The following CDH8 variants were observed in gnomAD, a reference collection of about 807,000 sequenced individuals.
The protein encoded by CDH8 is cadherin-8.
In CDH8, 17 loss-of-function variants were observed where a neutral mutation model predicts 68.1. That is an observed-to-expected ratio of 0.25 (90% CI 0.17 to 0.37). The LOEUF is 0.37. CDH8 is among the 10% of genes least tolerant of loss of function. The pLI, the probability that CDH8 is intolerant of heterozygous loss-of-function variation, is 1.00. For missense variants in CDH8, 763 were observed against 999.3 expected (o/e 0.76, Z 3.19); for synonymous variants, 372 against 365.1 (o/e 1.02, Z -0.21).
chr16:61,989,843 T>C (rs1345584489), intron 2 of CDH8, among the ~76,000 whole-genome samples: 1 of 152,214 alleles, frequency 6.6e-6, no homozygotes, highest in Non-Finnish European at 1.5e-5. Flanking sequence ...TTGTTAAACT[T>C]AGGATCTTAA....
chr16:61,810,995 G>A lies in CDH8; in HGVS notation c.1277+6484C>T, dbSNP rs550992050. Reference sequence around the variant, plus strand: ...GCCGAGATTGTGCCACTGTACTCCAGCCTGGGTGACAGAGTGAGACTCTGT... The same window carrying A: ...GCCGAGATTGTGCCACTGTACTCCAACCTGGGTGACAGAGTGAGACTCTGT... On this transcript the variant is annotated intron_variant, in intron 7 of 11. Coordinates refer to ENST00000577390, the MANE Select transcript of CDH8 (RefSeq NM_001796.5). Among the ~76,000 whole-genome samples the A allele has an allele frequency of 7.0e-5, 10 of 142,000 alleles. No homozygotes were observed. The Admixed American group carries it at 7.4e-4, about 10-fold the overall frequency. 93.2% of individuals were successfully genotyped at this position (142,000 alleles called of 152,430 possible). A position where few individuals can be genotyped will look rare whatever the true frequency, so the allele number is the denominator to read the frequency against.
chr16:61,656,390 A>T (rs1423580001), intron 10 of CDH8, among the ~76,000 whole-genome samples: 1 of 152,240 alleles, frequency 6.6e-6, no homozygotes, highest in Non-Finnish European at 1.5e-5. Flanking sequence ...ATAATAGGTT[A>T]AGCAAATTTG....
chr16:61,733,758 T>C (rs1488115358), intron 8 of CDH8, among the ~76,000 whole-genome samples: 1 of 151,958 alleles, frequency 6.6e-6, no homozygotes, highest in Non-Finnish European at 1.5e-5. Flanking sequence ...AAAACAACTT[T>C]TGAGTTTGTA....
intron 7 of CDH8, among the ~76,000 whole-genome samples, chr16:61,792,629 T>C (rs1961405448): frequency 6.6e-6 from 1 of 152,026 alleles, no homozygotes; most frequent in African/African-American, 2.4e-5. Context: ...TAGGACATTT[T>C]AGGTAACACA....
At chr16:61,918,804 G>C (rs1964302364) in intron 2 of CDH8, 1 of 151,766 alleles carries the variant, frequency 6.6e-6, no homozygotes, top group African/African-American at 2.4e-5. Flanking sequence ...CCAACTGGGT[G>C]GAGCCCACCA....
intron 2 of CDH8, among the ~76,000 whole-genome samples, chr16:62,006,883 A>G (rs1965983626): frequency 6.8e-6 from 1 of 147,952 alleles, no homozygotes; most frequent in Non-Finnish European, 1.5e-5. Flanking sequence ...TTTTGCCAAT[A>G]TTTCAAAAGC....
At chr16:61,789,536 T>C in intron 7 of CDH8, 54 bp from the exon 8 acceptor site, 1 of 1,504,884 alleles carries the variant, frequency 6.6e-7, no homozygotes, top group Non-Finnish European at 9.0e-7. Flanking sequence ...ATCCATACAT[T>C]CCACAGCAGA....
chr16:61,902,307 T>G (rs1314023564), intron 2 of CDH8, among the ~76,000 whole-genome samples: 1 of 152,134 alleles, frequency 6.6e-6, no homozygotes, highest in African/African-American at 2.4e-5. Flanking sequence ...TAAAACATTT[T>G]GGTAGGTACC....
chr16:61,875,962 T>G (rs1211392764), intron 3 of CDH8, among the ~76,000 whole-genome samples: 1 of 152,134 alleles, frequency 6.6e-6, no homozygotes, highest in Non-Finnish European at 1.5e-5. Context: ...CTGCAACCTC[T>G]GCCTCCCATG....
intron 2 of CDH8, among the ~76,000 whole-genome samples, chr16:62,014,696 G>A (rs928397412): frequency 6.6e-6 from 1 of 152,138 alleles, no homozygotes; most frequent in Non-Finnish European, 1.5e-5. Flanking sequence ...AGGTTAGAAG[G>A]TCAAATTTAA....
chr16:61,841,904 T>C (rs1020710016), intron 4 of CDH8, among the ~76,000 whole-genome samples: 6 of 152,144 alleles, frequency 3.9e-5, no homozygotes, highest in Non-Finnish European at 8.8e-5. Context: ...TTTGTTTGCT[T>C]GGAGACGGAG....
chr16:61,926,522 C>T (rs141747120), intron 2 of CDH8, among the ~76,000 whole-genome samples: 216 of 152,222 alleles, frequency 1.4e-3, no homozygotes, highest in Non-Finnish European at 2.2e-3. Context: ...CAGATGAAAA[C>T]CATTAGGTGG....
At position 61,653,290 on chromosome 16, in the gene CDH8, C is replaced by T. The variant is rs1457312453; in HGVS notation, c.*318G>A. 3.1e-5 allele frequency: 36 copies of T among 1,171,798 alleles called. No homozygotes were observed. Among genetic ancestry groups the T allele is most frequent in the Non-Finnish European group, 3.5e-5 (33 of 952,674 alleles). 72.6% of individuals were successfully genotyped at this position (1,171,798 alleles called of 1,614,324 possible). A position where few individuals can be genotyped will look rare whatever the true frequency, so the allele number is the denominator to read the frequency against. ...AAGCACCTTTTAATTATGATTTTTTCCTCTATTTAAACCATTTATCTAAGG... is the reference window on the plus strand; with the variant it reads ...AAGCACCTTTTAATTATGATTTTTTTCTCTATTTAAACCATTTATCTAAGG... On this transcript the variant is annotated 3_prime_UTR_variant, in exon 12 of 12. Transcript: ENST00000577390.
At chr16:62,009,974 AC>A (rs1249050339) in intron 2 of CDH8, among the ~76,000 whole-genome samples, 1 of 152,138 alleles carries the variant, frequency 6.6e-6, no homozygotes, top group Non-Finnish European at 1.5e-5. Context: ...TACTAGGCTA[AC>A]CCCCGTATTA....
At chr16:61,946,538 C>T (rs772501537) in intron 2 of CDH8, among the ~76,000 whole-genome samples, 1 of 152,200 alleles carries the variant, frequency 6.6e-6, no homozygotes, top group Non-Finnish European at 1.5e-5. Context: ...CCAGCTTCAA[C>T]AGTTGATGCT....
chr16:62,021,033 TA>T, intron 2 of CDH8, 118 bp downstream of exon 2: 1 of 875,952 alleles, frequency 1.1e-6, no homozygotes, highest in Non-Finnish European at 1.8e-6. Flanking sequence ...GTAAACTCAC[TA>T]AACATCTGGC....
intron 8 of CDH8, among the ~76,000 whole-genome samples, chr16:61,761,351 C>T (rs2142970133): frequency 6.6e-6 from 1 of 152,202 alleles, no homozygotes; most frequent in Admixed American, 6.5e-5. Flanking sequence ...TAAATTGAAG[C>T]TTTAGATACA....
intron 10 of CDH8, among the ~76,000 whole-genome samples, chr16:61,695,660 T>C (rs982805787): frequency 2.0e-5 from 3 of 152,148 alleles, no homozygotes; most frequent in African/African-American, 7.2e-5. Context: ...TCACTCCCAG[T>C]TGAGAACCCA....
chr16:61,893,977 T>C (rs551689840), intron 3 of CDH8, among the ~76,000 whole-genome samples: 2 of 152,234 alleles, frequency 1.3e-5, no homozygotes, highest in South Asian at 4.1e-4. Flanking sequence ...GAAACTTCAA[T>C]GGATGTTAAA....
Sources: allele counts gnomAD v4.1 joint callset (sites outside exome capture counted in the v4.1 genomes callset), GRCh38; gene constraint gnomAD v4.1.1; transcripts MANE v1.5; gene names NCBI Gene and HGNC (gene_info 2026-07-23, HGNC 2026-07-21).